AKAP9: variants seen among roughly 807,000 people sequenced by gnomAD.
AKAP9 encodes the protein A-kinase anchor protein 9.
A neutral mutation model predicts 488.5 loss-of-function variants in AKAP9; 311 were observed. The ratio of observed to expected loss-of-function variants is 0.64; its 90% CI spans 0.58 to 0.70. The LOEUF (loss-of-function observed/expected upper bound fraction) is 0.70, where lower values mean the gene tolerates loss of function less well. AKAP9 is among the 30% of genes least tolerant of loss of function. The pLI is 0.00. For synonymous variants in AKAP9, 1,462 were observed against 1,483.5 expected (o/e 0.99, Z 0.33); for missense variants, 4,215 against 4,374.5 (o/e 0.96, Z 1.03).
intron 8 of AKAP9, among the ~76,000 whole-genome samples, chr7:92,004,107 G>A (rs186237693): frequency 9.0e-4 from 137 of 152,284 alleles, no homozygotes; most frequent in African/African-American, 3.2e-3. Flanking sequence ...ACAGGATAAT[G>A]TGATAGGGAA....
intron 47 of AKAP9, among the ~76,000 whole-genome samples, chr7:92,106,431 T>C (rs1818517810): frequency 6.6e-6 from 1 of 151,844 alleles, no homozygotes; most frequent in African/African-American, 2.4e-5. Context: ...AGGGAAGTGA[T>C]GGAACCAGGA....
At chr7:92,019,652 T>A (rs1038287409) in intron 12 of AKAP9, among the ~76,000 whole-genome samples, 19 of 150,448 alleles carry the variant, frequency 1.3e-4, no homozygotes, top group Non-Finnish European at 2.7e-4. Context: ...TATATATATA[T>A]AATATATACA....
intron 45 of AKAP9, 142 bp from the exon 46 acceptor site, chr7:92,102,452 T>TACTACTACTACA: frequency 5.8e-6 from 1 of 171,202 alleles, no homozygotes; most frequent in Non-Finnish European, 9.9e-6. Context: ...TTACTATTAC[T>TACTACTACTACA]ACTACTACTA....
At chr7:92,105,829 G>T (rs1818422560) in intron 47 of AKAP9, 66 bp downstream of exon 47, 2 of 1,374,684 alleles carry the variant, frequency 1.5e-6, no homozygotes, top group Admixed American at 3.4e-5. Context: ...CCCACCCCCA[G>T]ACTATGGACC....
At chr7:91,956,327 G>C (rs892431153) in intron 1 of AKAP9, among the ~76,000 whole-genome samples, 3 of 151,288 alleles carry the variant, frequency 2.0e-5, no homozygotes, top group Non-Finnish European at 2.9e-5. Context: ...GTGGACCCGG[G>C]GGGCAGAACT....
At chr7:92,110,029 T>G (rs960307229) in intron 49 of AKAP9, 93 bp from the exon 50 acceptor site, 39 of 959,910 alleles carry the variant, frequency 4.1e-5, no homozygotes, top group Non-Finnish European at 5.1e-5. Flanking sequence ...AAATGGAGAA[T>G]AATAATAATT....
In AKAP9 at chr7:92,000,949, A is replaced by C. The variant is rs1477613369; in HGVS notation, c.1032A>C (p.Lys344Asn). ...LNTKIIEEEK[K>N]TLELKDKLTT... The stretch of plus-strand genomic sequence containing the variant: ...CAAAAATAATAGAAGAAGAAAAGAA[A>C]ACTCTTGAGCTAAAGGATAAATTAA... Residue 344 changes from lysine to asparagine, a missense_variant, in exon 8 of 50, where the codon AAA becomes AAC. Around this residue, in one of 5 missense-constraint regions of AKAP9, gnomAD observed 2,361 missense variants for 2,430.0 expected, o/e 0.97. Coordinates refer to ENST00000356239, the MANE Select transcript of AKAP9 (RefSeq NM_005751.5). The C allele has an allele frequency of 1.3e-6, 2 of 1,508,046 alleles. No homozygotes were observed. The highest frequency in any genetic ancestry group is 4.5e-5 in the Admixed American group (2 of 44,574). 93.4% of individuals were successfully genotyped at this position (1,508,046 alleles called of 1,614,324 possible).
intron 20 of AKAP9, chr7:92,043,432 T>C: frequency 1.4e-6 from 1 of 708,334 alleles, no homozygotes; most frequent in Non-Finnish European, 1.7e-6. Flanking sequence ...GTTTATTTTA[T>C]ATTATTTATC....
chr7:92,103,736 A>T (rs1269642757), intron 46 of AKAP9, among the ~76,000 whole-genome samples: 2 of 151,954 alleles, frequency 1.3e-5, no homozygotes, highest in Non-Finnish European at 2.9e-5. Context: ...GAACAAGCTC[A>T]CACATGTAAA....
intron 10 of AKAP9, among the ~76,000 whole-genome samples, chr7:92,014,884 A>G (rs930702322): frequency 1.3e-5 from 2 of 152,204 alleles, no homozygotes; most frequent in African/African-American, 2.4e-5. Flanking sequence ...TGATGTTGCC[A>G]TAGATGAGTT....
chr7:91,946,440 G>A (rs943656272), intron 1 of AKAP9, among the ~76,000 whole-genome samples: 6 of 151,474 alleles, frequency 4.0e-5, no homozygotes, highest in Non-Finnish European at 7.4e-5. Context: ...GTCCAGGCTG[G>A]AGTGGCAGCC....
At chr7:92,019,258 C>T (rs1801981243) in intron 12 of AKAP9, among the ~76,000 whole-genome samples, 2 of 151,978 alleles carry the variant, frequency 1.3e-5, no homozygotes, top group Admixed American at 6.6e-5. Context: ...TCTCCTGCCT[C>T]AGCCTCCTGA....
intron 8 of AKAP9, among the ~76,000 whole-genome samples, chr7:92,008,983 T>TAAA (rs58922447): frequency 7.6e-5 from 10 of 130,736 alleles, no homozygotes; most frequent in African/African-American, 2.3e-4. Context: ...AGACTCCATT[T>TAAA]AAAAAAAAAA....
intron 36 of AKAP9, 111 bp downstream of exon 36, chr7:92,085,797 A>G: frequency 1.2e-6 from 1 of 848,064 alleles, no homozygotes; most frequent in Non-Finnish European, 1.7e-6. Context: ...ATAACTATAT[A>G]TATATATTTT....
intron 12 of AKAP9, among the ~76,000 whole-genome samples, chr7:92,020,423 C>A (rs906763190): frequency 6.6e-6 from 1 of 152,080 alleles, no homozygotes; most frequent in South Asian, 2.1e-4. Flanking sequence ...TCTTCTTTAC[C>A]TGTCTTTCTA....
intron 38 of AKAP9, 135 bp from the exon 39 acceptor site, chr7:92,092,962 C>A: frequency 1.3e-6 from 1 of 777,214 alleles, no homozygotes. Flanking sequence ...GCATTACCAA[C>A]TCTTGGGACT....
intron 46 of AKAP9, among the ~76,000 whole-genome samples, chr7:92,104,283 C>T (rs1019992813): frequency 4.0e-5 from 6 of 151,588 alleles, no homozygotes; most frequent in African/African-American, 9.7e-5. Context: ...CTCCGCCTCC[C>T]GGGTTCATGC....
intron 1 of AKAP9, among the ~76,000 whole-genome samples, chr7:91,967,558 T>G (rs944341412): frequency 6.6e-5 from 10 of 152,230 alleles, no homozygotes; most frequent in Admixed American, 3.3e-4. Flanking sequence ...ATTGAAATGG[T>G]CATAGGGTTT....
chr7:91,978,749 A>G (rs1796015129), intron 2 of AKAP9, among the ~76,000 whole-genome samples: 1 of 147,198 alleles, frequency 6.8e-6, no homozygotes. Flanking sequence ...TTATTGATTT[A>G]TTTTAATTAT....
Sources: gnomAD v4.1 joint callset for allele counts (sites outside exome capture counted in the v4.1 genomes callset) on GRCh38, gnomAD v4.1.1 for gene constraint, gnomAD v4.1.1 regional missense constraint, MANE v1.5 for transcripts, NCBI Gene and HGNC (gene_info 2026-07-23, HGNC 2026-07-21) for gene names.